POLR3B: variants seen among roughly 807,000 people sequenced by gnomAD.
The protein encoded by POLR3B is RNA polymerase III subunit B, also known as DNA-directed RNA polymerase III subunit RPC2.
A neutral mutation model predicts 147.4 loss-of-function variants in POLR3B; 96 were observed. The observed-to-expected ratio is 0.65, with a 90% CI of 0.55 to 0.77. The LOEUF is 0.77. Ranked by LOEUF, POLR3B falls within the 30% of genes least tolerant of loss-of-function variation. The pLI is 0.00. For missense variants in POLR3B, 1,036 were observed against 1,413.5 expected (o/e 0.73, Z 4.28); for synonymous variants, 461 against 485.9 (o/e 0.95, Z 0.67).
intron 23 of POLR3B, 198 bp from the exon 24 acceptor site, chr12:106,495,857 C>A (rs1418004756): frequency 1.8e-5 from 12 of 673,526 alleles, no homozygotes; most frequent in Non-Finnish European, 2.7e-5. Context: ...GCTGCAGTGC[C>A]TTTCGCAAGG....
chr12:106,398,987 G>A (rs1410332143), intron 10 of POLR3B, among the ~76,000 whole-genome samples: 2 of 152,198 alleles, frequency 1.3e-5, no homozygotes, highest in African/African-American at 2.4e-5. Context: ...AACGGAGAAT[G>A]ACTTTGACGA....
chr12:106,458,930 C>A (rs1017775188), intron 21 of POLR3B, among the ~76,000 whole-genome samples: 1 of 152,114 alleles, frequency 6.6e-6, no homozygotes, highest in Non-Finnish European at 1.5e-5. Flanking sequence ...AAACTTAACA[C>A]CCTAAGAGAT....
At chr12:106,391,227 A>G (rs913943904) in intron 9 of POLR3B, among the ~76,000 whole-genome samples, 1 of 152,156 alleles carries the variant, frequency 6.6e-6, no homozygotes, top group African/African-American at 2.4e-5. Context: ...GGACCTTGCC[A>G]CAGACTGCTT....
At chr12:106,472,504 T>C (rs1334305217) in intron 23 of POLR3B, among the ~76,000 whole-genome samples, 3 of 149,546 alleles carry the variant, frequency 2.0e-5, no homozygotes, top group East Asian at 4.0e-4. Flanking sequence ...TCCTATTTCT[T>C]CACATCCTCT....
chr12:106,391,366 T>C (rs781671650), intron 9 of POLR3B, among the ~76,000 whole-genome samples: 14 of 152,180 alleles, frequency 9.2e-5, no homozygotes, highest in Non-Finnish European at 1.8e-4. Context: ...TCACATTTTT[T>C]TCTATAGAGG....
intron 23 of POLR3B, among the ~76,000 whole-genome samples, chr12:106,493,146 A>G (rs937334418): frequency 8.5e-5 from 13 of 152,208 alleles, no homozygotes; most frequent in African/African-American, 3.1e-4. Flanking sequence ...TCCATTAGAT[A>G]TGGTTTATTT....
At position 106,457,199 on chromosome 12, in the gene POLR3B, G is replaced by C. The variant is rs1378233981; in HGVS notation, c.2355G>C (p.Gln785His). ...GTACGTTGAAACGATACACCAATCA[G>C]ACTTTTGATAAAGTGATGGGGCCCA... The part of the protein sequence containing the change: ...AKCTLKRYTN[Q>H]TFDKVMGPML... Residue 785 changes from glutamine to histidine, a missense_variant, in exon 21 of 28, where the codon CAG becomes CAC. Gln to His is a conservative substitution (Grantham distance 24, BLOSUM62 0). Transcript: ENST00000228347. The C allele has an allele frequency of 6.2e-7, 1 of 1,612,914 alleles. No homozygotes were observed. The highest frequency in any genetic ancestry group is 8.5e-7 in the Non-Finnish European group (1 of 1,178,932).
chr12:106,491,047 TTCA>T (rs1255863203), intron 23 of POLR3B, among the ~76,000 whole-genome samples: 1 of 152,320 alleles, frequency 6.6e-6, no homozygotes, highest in East Asian at 1.9e-4. Context: ...GCTCCTTCTA[TTCA>T]TTAAGTTGGT....
chr12:106,465,057 A>G (rs2078243997), intron 23 of POLR3B, among the ~76,000 whole-genome samples: 1 of 152,192 alleles, frequency 6.6e-6, no homozygotes, highest in Admixed American at 6.5e-5. Flanking sequence ...GAGTGTTTTT[A>G]AAAGTATCTT....
chr12:106,439,107 G>A (rs528119172), intron 18 of POLR3B, among the ~76,000 whole-genome samples: 86 of 152,262 alleles, frequency 5.6e-4, no homozygotes, highest in African/African-American at 1.7e-3. Flanking sequence ...CAGTGTAATG[G>A]CTCACCCCTA....
At chr12:106,496,610 C>A in intron 24 of POLR3B, 142 bp from the exon 25 acceptor site, 1 of 744,688 alleles carries the variant, frequency 1.3e-6, no homozygotes, top group Non-Finnish European at 2.3e-6. Flanking sequence ...AATTAGATCA[C>A]ACATGTCAAG....
At chr12:106,377,977 A>G (rs1434158396) in intron 7 of POLR3B, among the ~76,000 whole-genome samples, 1 of 152,110 alleles carries the variant, frequency 6.6e-6, no homozygotes, top group Non-Finnish European at 1.5e-5. Flanking sequence ...AGTCCTAGCT[A>G]CTCGGGAGAC....
intron 23 of POLR3B, 115 bp from the exon 24 acceptor site, chr12:106,495,940 G>A (rs1227141855): frequency 1.3e-5 from 10 of 782,942 alleles, no homozygotes; most frequent in Non-Finnish European, 2.3e-5. Context: ...AGAGGCCATG[G>A]GGAAGATTTT....
chr12:106,403,262 A>G (rs1470318172), intron 10 of POLR3B, among the ~76,000 whole-genome samples: 1 of 151,056 alleles, frequency 6.6e-6, no homozygotes, highest in Non-Finnish European at 1.5e-5. Flanking sequence ...ACAATGAGAT[A>G]CCATCTCACA....
chr12:106,385,927 T>C (rs1457527846), intron 9 of POLR3B, among the ~76,000 whole-genome samples: 1 of 152,278 alleles, frequency 6.6e-6, no homozygotes, highest in Non-Finnish European at 1.5e-5. Context: ...TTCTTAAATA[T>C]ACTTTTTCTT....
At chr12:106,438,409 A>G (rs534593019) in intron 18 of POLR3B, among the ~76,000 whole-genome samples, 94 of 152,204 alleles carry the variant, frequency 6.2e-4, no homozygotes, top group Non-Finnish European at 1.2e-3. Context: ...GACAGTTTAT[A>G]TATATACACA....
intron 11 of POLR3B, among the ~76,000 whole-genome samples, chr12:106,409,110 G>GAAAGTTT (rs1251460717): frequency 6.6e-6 from 1 of 152,156 alleles, no homozygotes; most frequent in Non-Finnish European, 1.5e-5. Flanking sequence ...TTTTGTTAGT[G>GAAAGTTT]AAAGTTTGCT....
In POLR3B at chr12:106,504,538, C is replaced by G. The variant is rs2038655988; in HGVS notation, c.3272+284C>G. 6.6e-6 allele frequency among the ~76,000 whole-genome samples: 1 copy of G among 152,148 alleles called. No individual in the cohort carries two copies. Among genetic ancestry groups the G allele is most frequent in the Non-Finnish European group, 1.5e-5 (1 of 68,026 alleles). On this transcript the variant is annotated intron_variant, in intron 27 of 27. Transcript: ENST00000228347. This position sits in a 1 kb window ranked among gnomAD's most constrained non-coding sequence, Gnocchi z 4.6. The stretch of plus-strand genomic sequence containing the variant: ...CAGGTACTTTTTATAACACTATTTG[C>G]CTGTGAAAATCCTACAGATGCATTG...
intron 1 of POLR3B, among the ~76,000 whole-genome samples, chr12:106,360,106 C>G (rs1314651664): frequency 6.6e-6 from 1 of 152,238 alleles, no homozygotes; most frequent in Non-Finnish European, 1.5e-5. Context: ...CCACCGTTTT[C>G]CAGCCCAGAA....
Sources: allele counts gnomAD v4.1 joint callset (sites outside exome capture counted in the v4.1 genomes callset), GRCh38; gene constraint gnomAD v4.1.1; non-coding constraint Gnocchi (gnomAD v3.1); transcripts MANE v1.5; gene names NCBI Gene and HGNC (gene_info 2026-07-23, HGNC 2026-07-21).